Variants in LHFPL6 observed in about 807,000 individuals in gnomAD.
The protein encoded by LHFPL6 is LHFPL tetraspan subfamily member 6.
A neutral mutation model predicts 20.6 loss-of-function variants in LHFPL6; 9 were observed. The ratio of observed to expected loss-of-function variants is 0.44; its 90% CI spans 0.26 to 0.76. The LOEUF is 0.76. LHFPL6 is among the 30% of genes least tolerant of loss of function. The pLI, the probability that LHFPL6 is intolerant of heterozygous loss-of-function variation, is 0.20. For synonymous variants in LHFPL6, 105 were observed against 98.7 expected (o/e 1.06, Z -0.38); for missense variants, 218 against 253.5 (o/e 0.86, Z 0.95).
intron 2 of LHFPL6, among the ~76,000 whole-genome samples, chr13:39,470,266 C>T (rs528300680): frequency 6.6e-6 from 1 of 152,036 alleles, no homozygotes; most frequent in South Asian, 2.1e-4. Context: ...AGTGCAAAAA[C>T]CCCCAAATCT....
chr13:39,578,823 G>C (rs1872194824), intron 2 of LHFPL6, among the ~76,000 whole-genome samples: 2 of 152,172 alleles, frequency 1.3e-5, no homozygotes, highest in South Asian at 2.1e-4. Context: ...AGGAGCTCAG[G>C]AAAGAGAAGA....
chr13:39,367,488 C>T (rs1280810402), intron 3 of LHFPL6, among the ~76,000 whole-genome samples: 1 of 152,098 alleles, frequency 6.6e-6, no homozygotes, highest in South Asian at 2.1e-4. Flanking sequence ...TGTATAATAT[C>T]CCTTAACAAA....
At chr13:39,470,091 C>A (rs1466850337) in intron 2 of LHFPL6, among the ~76,000 whole-genome samples, 2 of 152,120 alleles carry the variant, frequency 1.3e-5, no homozygotes. Flanking sequence ...TCTCTCCACT[C>A]GCTTAAAAAA....
At chr13:39,446,457 T>G (rs993535510) in intron 2 of LHFPL6, among the ~76,000 whole-genome samples, 1 of 152,162 alleles carries the variant, frequency 6.6e-6, no homozygotes. Context: ...GTGCAGAAGT[T>G]AAACAGATAC....
chr13:39,515,275 C>T (rs1432468390), intron 2 of LHFPL6, among the ~76,000 whole-genome samples: 3 of 152,234 alleles, frequency 2.0e-5, no homozygotes, highest in African/African-American at 7.2e-5. Flanking sequence ...CAGACCTCTG[C>T]AGCTACTTCA....
intron 2 of LHFPL6, among the ~76,000 whole-genome samples, chr13:39,384,974 G>A (rs776759741): frequency 1.4e-4 from 22 of 152,246 alleles, no homozygotes; most frequent in Non-Finnish European, 3.1e-4. Flanking sequence ...GTTGCAGGAA[G>A]AGGTGTGAGA....
chr13:39,445,609 G>T lies in LHFPL6; in HGVS notation c.386-67083C>A, dbSNP rs79112704. Among the ~76,000 whole-genome samples the T allele has an allele frequency of 0.013, 1,959 of 152,286 alleles. 86 individuals carry two copies. In the East Asian group the frequency reaches 0.15, roughly 11 times the overall value. On this transcript the variant is annotated intron_variant, in intron 2 of 3. Coordinates refer to ENST00000379589, the MANE Select transcript of LHFPL6 (RefSeq NM_005780.3). ...CTGAGCTGAGTAAGTACTCAGGTTG[G>T]TGGTTATCTAATGTTTGCTTTTCAT...
chr13:39,364,177 G>T (rs1458395249), intron 3 of LHFPL6, among the ~76,000 whole-genome samples: 2 of 152,184 alleles, frequency 1.3e-5, no homozygotes, highest in African/African-American at 4.8e-5. Context: ...GGGTTATGTG[G>T]CAGGGAAGAG....
At chr13:39,494,056 A>G (rs1427064248) in intron 2 of LHFPL6, among the ~76,000 whole-genome samples, 1 of 152,230 alleles carries the variant, frequency 6.6e-6, no homozygotes, top group Non-Finnish European at 1.5e-5. Flanking sequence ...GAAAAACATT[A>G]CATTTCCATG....
At chr13:39,400,145 G>C (rs576005376) in intron 2 of LHFPL6, among the ~76,000 whole-genome samples, 1 of 152,284 alleles carries the variant, frequency 6.6e-6, no homozygotes, top group East Asian at 1.9e-4. Context: ...TTTGATCCAA[G>C]AAAGCAGGCC....
chr13:39,353,553 A>C (rs1463197638), intron 3 of LHFPL6, among the ~76,000 whole-genome samples: 2 of 151,498 alleles, frequency 1.3e-5, no homozygotes, highest in South Asian at 2.1e-4. Flanking sequence ...GGTGAAACCC[A>C]GTCTCTACTA....
chr13:39,474,334 G>A (rs1235307554), intron 2 of LHFPL6, among the ~76,000 whole-genome samples: 1 of 152,166 alleles, frequency 6.6e-6, no homozygotes, highest in Non-Finnish European at 1.5e-5. Flanking sequence ...GTTTCATGAA[G>A]AGAATTTCAC....
Position 39,509,228 on chromosome 13 carries a change from T to C in LHFPL6, c.385+91604A>G, listed in dbSNP as rs578032756. On this transcript the variant is annotated intron_variant, in intron 2 of 3. Transcript: ENST00000379589. ...CATTTTTAATTGCATTGTTTTCTTA[T>C]TATCAAGTTTTGAATATTTTTAAAT... Among the ~76,000 whole-genome samples, 10 of 152,374 alleles carry C rather than the reference T, an allele frequency of 6.6e-5. No individual in the cohort carries two copies. The East Asian group carries it at 1.9e-3, about 29-fold the overall frequency.
intron 2 of LHFPL6, among the ~76,000 whole-genome samples, chr13:39,438,964 A>G (rs1204949927): frequency 1.3e-5 from 2 of 152,172 alleles, no homozygotes; most frequent in Non-Finnish European, 2.9e-5. Flanking sequence ...GTGGGGTCGG[A>G]GCCCCCACAC....
Position 39,575,419 on chromosome 13 carries a change from G to T in LHFPL6, c.385+25413C>A, listed in dbSNP as rs1872083678. Among the ~76,000 whole-genome samples, 4 of 152,248 alleles carry T rather than the reference G, an allele frequency of 2.6e-5. No homozygotes were observed. The South Asian group carries it at 8.3e-4, about 32-fold the overall frequency. The stretch of plus-strand genomic sequence containing the variant: ...TTTCTTTATCTATATTAAAATTAAA[G>T]ATTAGTGTTAAAATTAAAAACTAGT... On this transcript the variant is annotated intron_variant, in intron 2 of 3. Transcript: ENST00000379589.
chr13:39,357,164 C>A (rs1031674800), intron 3 of LHFPL6, among the ~76,000 whole-genome samples: 4 of 152,084 alleles, frequency 2.6e-5, no homozygotes, highest in Admixed American at 1.3e-4. Flanking sequence ...AGAGCCACAG[C>A]CTGTCTCAAA....
intron 3 of LHFPL6, among the ~76,000 whole-genome samples, chr13:39,377,770 G>A (rs1210138578): frequency 6.6e-6 from 1 of 152,210 alleles, no homozygotes; most frequent in Non-Finnish European, 1.5e-5. Context: ...AAATTTGTGA[G>A]TTAAGAGCCT....
At chr13:39,398,067 G>A (rs140679858) in intron 2 of LHFPL6, among the ~76,000 whole-genome samples, 3 of 152,314 alleles carry the variant, frequency 2.0e-5, no homozygotes, top group African/African-American at 7.2e-5. Flanking sequence ...CTTTTGGCCA[G>A]TCTTCAGGGT....
intron 2 of LHFPL6, among the ~76,000 whole-genome samples, chr13:39,450,777 A>T (rs1872422658): frequency 6.6e-6 from 1 of 152,190 alleles, no homozygotes; most frequent in East Asian, 1.9e-4. Flanking sequence ...AGCTAATGTT[A>T]TTATGGGCCA....
Sources: allele counts gnomAD v4.1 joint callset (sites outside exome capture counted in the v4.1 genomes callset), GRCh38; gene constraint gnomAD v4.1.1; transcripts MANE v1.5; gene names NCBI Gene and HGNC (gene_info 2026-07-23, HGNC 2026-07-21).